Variants in AQP1 observed in about 807,000 individuals in gnomAD.
AQP1 encodes the protein aquaporin 1 (Colton blood group).
A neutral mutation model predicts 19.7 loss-of-function variants in AQP1; 11 were observed. The ratio of observed to expected loss-of-function variants is 0.56; its 90% CI spans 0.35 to 0.92. The LOEUF is 0.92. Ranked by LOEUF, AQP1 falls within the 40% of genes least tolerant of loss-of-function variation. The pLI is 0.01. For missense variants in AQP1, 320 were observed against 369.7 expected, an observed-to-expected ratio of 0.87 and a Z score of 1.10; for synonymous variants, 159 against 166.7, an observed-to-expected ratio of 0.95 and a Z score of 0.36.
At chr7:30,917,497 C>T (rs570573236) in intron 1 of AQP1, among the ~76,000 whole-genome samples, 55 of 152,324 alleles carry the variant, frequency 3.6e-4, no homozygotes, top group African/African-American at 1.3e-3. Context: ...ACATGGGGGG[C>T]TCATTTTTTT....
At position 30,923,803 on chromosome 7, in the gene AQP1, T is replaced by C; in HGVS notation, c.*174T>C. 6.6e-7 allele frequency: 1 copy of C among 1,519,042 alleles called. No individual in the cohort carries two copies. The highest frequency in any genetic ancestry group is 8.8e-7 in the Non-Finnish European group (1 of 1,132,498). 94.1% of individuals were successfully genotyped at this position (1,519,042 alleles called of 1,614,324 possible). The stretch of plus-strand genomic sequence containing the variant: ...ATGGGGGTGTTTCTATCTCTTTCTT[T>C]CTCTTTCTGTTTCCTGGCCTCAGAG... On this transcript the variant is annotated 3_prime_UTR_variant, in exon 4 of 4. Coordinates refer to ENST00000311813, the MANE Select transcript of AQP1 (RefSeq NM_198098.4). This position sits in a 1 kb window ranked among gnomAD's most constrained non-coding sequence, Gnocchi z 4.8.
In AQP1 at chr7:30,921,781, C is replaced by T. The variant is rs757255955; in HGVS notation, c.385-285C>T. Reference sequence around the variant, plus strand: ...CCTGGATGCAGCTGGATGCAAAGGCCCCAGCTCACCCCAGGCCTCTCCAGC... The same window carrying T: ...CCTGGATGCAGCTGGATGCAAAGGCTCCAGCTCACCCCAGGCCTCTCCAGC... On this transcript the variant is annotated intron_variant, in intron 1 of 3. Coordinates refer to ENST00000311813, the MANE Select transcript of AQP1 (RefSeq NM_198098.4). 6 of 1,550,624 alleles carry T rather than the reference C, an allele frequency of 3.9e-6. No individual in the cohort carries two copies. The South Asian group carries it at 4.8e-5, about 12-fold the overall frequency.
chr7:30,923,685 A>G lies in AQP1; in HGVS notation c.*56A>G, dbSNP rs997536693. On this transcript the variant is annotated 3_prime_UTR_variant, in exon 4 of 4. Coordinates refer to ENST00000311813, the MANE Select transcript of AQP1 (RefSeq NM_198098.4). The surrounding 1 kb of genome is among the most constrained non-coding windows in gnomAD (Gnocchi z 4.8). ...GGCAGGGGCAGGGGCGGGCGGAGGG[A>G]GGGGAGGGGTGAAATCCATACTGTA... is the stretch of plus-strand genomic sequence containing the variant. 5 of 1,190,572 alleles carry G rather than the reference A, an allele frequency of 4.2e-6. No individual in the cohort carries two copies. Among genetic ancestry groups the G allele is most frequent in the East Asian group, 5.0e-5 (1 of 19,950 alleles). 73.8% of individuals were successfully genotyped at this position (1,190,572 alleles called of 1,614,324 possible).
chr7:30,913,805 A>T (rs1791235820), intron 1 of AQP1, among the ~76,000 whole-genome samples: 1 of 151,684 alleles, frequency 6.6e-6, no homozygotes, highest in Non-Finnish European at 1.5e-5. Context: ...GCCGCGGGGG[A>T]TGTACGGGAC....
In AQP1 at chr7:30,925,514, G is replaced by A. The variant is rs1236228933; in HGVS notation, c.*1885G>A. 1.3e-5 allele frequency: 2 copies of A among 152,266 alleles called. No individual in the cohort carries two copies. The highest frequency in any genetic ancestry group is 2.9e-5 in the Non-Finnish European group (2 of 68,064). The allele number at this position is 152,266 out of a possible 1,614,324, so 9.4% of individuals were successfully genotyped here. A position where few individuals can be genotyped will look rare whatever the true frequency, so the allele number is the denominator to read the frequency against. ...AAAATAAAGGAAAATGACTTGTAAG[G>A]TCCTTCAGGCTTCCTGTAGTTTTTC... is the stretch of plus-strand genomic sequence containing the variant. On this transcript the variant is annotated 3_prime_UTR_variant, in exon 4 of 4. Coordinates refer to ENST00000311813, the MANE Select transcript of AQP1 (RefSeq NM_198098.4).
In AQP1 at chr7:30,912,057, G is replaced by A. The variant is rs200496523; in HGVS notation, c.148G>A (p.Val50Met). The A allele has an allele frequency of 4.3e-4, 701 of 1,613,506 alleles. 1 individual carries two copies. Among genetic ancestry groups the A allele is most frequent in the Non-Finnish European group, 5.6e-4 (656 of 1,180,044 alleles). Residue 50 changes from valine (V) to methionine (M), a missense_variant, in exon 1 of 4, where the codon GTG becomes ATG. Coordinates refer to ENST00000311813, the MANE Select transcript of AQP1 (RefSeq NM_198098.4). The surrounding 1 kb of genome is among the most constrained non-coding windows in gnomAD (Gnocchi z 4.3). ...CAACCAGACGGCGGTCCAGGACAACGTGAAGGTGTCGCTGGCCTTCGGGCT... is the reference window on the plus strand; with the variant it reads ...CAACCAGACGGCGGTCCAGGACAACATGAAGGTGTCGCTGGCCTTCGGGCT... ...GNNQTAVQDN[V>M]KVSLAFGLSI...
At chr7:30,914,141 G>A (rs559008949) in intron 1 of AQP1, among the ~76,000 whole-genome samples, 16 of 152,298 alleles carry the variant, frequency 1.1e-4, no homozygotes, top group Admixed American at 2.0e-4. Flanking sequence ...CCAGCCTCCC[G>A]TGCCCCATTC....
At chr7:30,914,834 G>A (rs1393886905) in intron 1 of AQP1, among the ~76,000 whole-genome samples, 1 of 152,250 alleles carries the variant, frequency 6.6e-6, no homozygotes, top group Non-Finnish European at 1.5e-5. Context: ...GTGTCCCTTC[G>A]GGACATGCTG....
rs2128591618 is a variant in AQP1, at chr7:30,924,385, T to C, written c.*756T>C. 1 of 159,520 alleles carries C rather than the reference T, an allele frequency of 6.3e-6. No homozygotes were observed. Among genetic ancestry groups the C allele is most frequent in the South Asian group, 1.9e-4 (1 of 5,370 alleles). The allele number at this position is 159,520 out of a possible 1,614,324, so 9.9% of individuals were successfully genotyped here. On this transcript the variant is annotated 3_prime_UTR_variant, in exon 4 of 4. Transcript: ENST00000311813. The stretch of plus-strand genomic sequence containing the variant: ...CGCCACACGCCTCTGTGTACATGTG[T>C]GCAGAGCAGACAGGCTACAAAGCAG...
chr7:30,921,656 C>A (rs184128868), intron 1 of AQP1: 2 of 1,550,958 alleles, frequency 1.3e-6, no homozygotes, highest in East Asian at 4.9e-5. Context: ...TGGGCCTTCC[C>A]ACCTTTTTGC....
Position 30,912,514 on chromosome 7 carries a change from C to A in AQP1, c.384+221C>A, listed in dbSNP as rs1345549496. Reference sequence around the variant, plus strand: ...GCCAGGCACTGTGGGAAGCTGAGATCCAGAGAATAATGGTCTTGCCAATGT... The same window carrying A: ...GCCAGGCACTGTGGGAAGCTGAGATACAGAGAATAATGGTCTTGCCAATGT... On this transcript the variant is annotated intron_variant, in intron 1 of 3. Transcript: ENST00000311813. This position sits in a 1 kb window ranked among gnomAD's most constrained non-coding sequence, Gnocchi z 4.3. Among the ~76,000 whole-genome samples the A allele has an allele frequency of 1.3e-5, 2 of 152,190 alleles. No homozygotes were observed. The highest frequency in any genetic ancestry group is 2.9e-5 in the Non-Finnish European group (2 of 68,040).
In AQP1 at chr7:30,912,376, T is replaced by C; in HGVS notation, c.384+83T>C. On this transcript the variant is annotated intron_variant, in intron 1 of 3. Coordinates refer to ENST00000311813, the MANE Select transcript of AQP1 (RefSeq NM_198098.4). The surrounding 1 kb of genome is among the most constrained non-coding windows in gnomAD (Gnocchi z 4.3). The stretch of plus-strand genomic sequence containing the variant: ...TTCCATCCTCTGCCCATTGTGCAGA[T>C]GGGGACACTGAGGAACGGAGAGGAC... 1.9e-6 allele frequency: 3 copies of C among 1,542,344 alleles called. No homozygotes were observed. Among genetic ancestry groups the C allele is most frequent in the Non-Finnish European group, 2.6e-6 (3 of 1,142,470 alleles).
Position 30,923,876 on chromosome 7 carries a change from T to G in AQP1, c.*247T>G. The stretch of plus-strand genomic sequence containing the variant: ...CAATTCACCCACTCCCTTGAAGTTG[T>G]GGAGGAGGTGAAAGAAAGGGACCCA... On this transcript the variant is annotated 3_prime_UTR_variant, in exon 4 of 4. Transcript: ENST00000311813. The surrounding 1 kb of genome is among the most constrained non-coding windows in gnomAD (Gnocchi z 4.8). 1 of 1,498,416 alleles carries G rather than the reference T, an allele frequency of 6.7e-7. No homozygotes were observed. Among genetic ancestry groups the G allele is most frequent in the Non-Finnish European group, 8.9e-7 (1 of 1,118,162 alleles). 92.8% of individuals were successfully genotyped at this position (1,498,416 alleles called of 1,614,324 possible). A position where few individuals can be genotyped will look rare whatever the true frequency, so the allele number is the denominator to read the frequency against.
rs575263085 is a variant in AQP1, at chr7:30,921,870, A to C, written c.385-196A>C. On this transcript the variant is annotated intron_variant, in intron 1 of 3. Transcript: ENST00000311813. ...GGGGCTGGGCTGGAGTTTCATTAAC[A>C]CAGGGGGTGGGTTCAAGGCCTGATT... The C allele has an allele frequency of 2.6e-6, 4 of 1,536,010 alleles. No homozygotes were observed. In the African/African-American group the frequency reaches 5.5e-5, roughly 21 times the overall value.
At chr7:30,915,159 T>A (rs1791280015) in intron 1 of AQP1, among the ~76,000 whole-genome samples, 1 of 152,108 alleles carries the variant, frequency 6.6e-6, no homozygotes, top group South Asian at 2.1e-4. Flanking sequence ...TGGCATTTGC[T>A]GGCTTTTTTC....
intron 1 of AQP1, among the ~76,000 whole-genome samples, chr7:30,915,639 G>A (rs905121520): frequency 2.6e-5 from 4 of 152,256 alleles, no homozygotes; most frequent in Admixed American, 2.6e-4. Flanking sequence ...ATTTCAGCCC[G>A]CTGGGCTCAG....
At chr7:30,919,363 G>A (rs1791437012) in intron 1 of AQP1, among the ~76,000 whole-genome samples, 1 of 152,148 alleles carries the variant, frequency 6.6e-6, no homozygotes, top group South Asian at 2.1e-4. Flanking sequence ...GGAGCTGGTG[G>A]GGTCTGAACT....
intron 1 of AQP1, among the ~76,000 whole-genome samples, chr7:30,918,985 G>A (rs1362950158): frequency 6.6e-6 from 1 of 152,196 alleles, no homozygotes; most frequent in Non-Finnish European, 1.5e-5. Context: ...CCATCGCACA[G>A]GCTGCCCTCT....
chr7:30,919,661 G>A (rs568428778), intron 1 of AQP1, among the ~76,000 whole-genome samples: 1 of 151,914 alleles, frequency 6.6e-6, no homozygotes, highest in South Asian at 2.1e-4. Context: ...ACTACAATGG[G>A]AACTGTCCTT....
Sources: gnomAD v4.1 joint callset for allele counts (sites outside exome capture counted in the v4.1 genomes callset) on GRCh38, gnomAD v4.1.1 for gene constraint, Gnocchi (gnomAD v3.1) non-coding constraint, MANE v1.5 for transcripts, NCBI Gene and HGNC (gene_info 2026-07-23, HGNC 2026-07-21) for gene names.